Variants in AGPS observed in about 807,000 individuals in gnomAD.
The protein encoded by AGPS is alkyldihydroxyacetonephosphate synthase, peroxisomal.
A neutral mutation model predicts 90.7 loss-of-function variants in AGPS; 26 were observed. The ratio of observed to expected loss-of-function variants is 0.29; its 90% CI spans 0.21 to 0.40. The LOEUF (loss-of-function observed/expected upper bound fraction) is 0.40. AGPS is among the 10% of genes least tolerant of loss of function. The pLI, the probability that AGPS is intolerant of heterozygous loss-of-function variation, is 1.00. For synonymous variants in AGPS, 294 were observed against 285.3 expected (o/e 1.03, Z -0.31); for missense variants, 540 against 816.1 (o/e 0.66, Z 4.12).
intron 5 of AGPS, among the ~76,000 whole-genome samples, chr2:177,438,291 C>T (rs1164754715): frequency 4.6e-5 from 7 of 152,162 alleles, no homozygotes. Context: ...CTTGGCAGTG[C>T]ATGCCTGTAG....
chr2:177,466,383 G>A (rs768913814), intron 9 of AGPS, among the ~76,000 whole-genome samples: 3 of 152,334 alleles, frequency 2.0e-5, no homozygotes, highest in Non-Finnish European at 4.4e-5. Context: ...CCCGGAAAAA[G>A]CATCATAAGT....
chr2:177,432,332 GA>G (rs1313759730), intron 2 of AGPS, among the ~76,000 whole-genome samples: 8 of 152,164 alleles, frequency 5.3e-5, no homozygotes, highest in African/African-American at 1.9e-4. Flanking sequence ...TTCAGTCATG[GA>G]AAAGAAGAAG....
chr2:177,491,757 C>T (rs1248990766), intron 11 of AGPS, among the ~76,000 whole-genome samples: 4 of 70,608 alleles, frequency 5.7e-5, no homozygotes, highest in Non-Finnish European at 1.1e-4. Flanking sequence ...AATATACTTT[C>T]CTTCCCCCCC....
chr2:177,416,606 A>T (rs1180135023), intron 1 of AGPS, among the ~76,000 whole-genome samples: 2 of 148,790 alleles, frequency 1.3e-5, no homozygotes, highest in East Asian at 4.0e-4. Context: ...GCTCACTGCC[A>T]CCTCCGCCTC....
chr2:177,446,805 AT>A (rs1686789552), intron 8 of AGPS, among the ~76,000 whole-genome samples: 1 of 152,142 alleles, frequency 6.6e-6, no homozygotes, highest in Admixed American at 6.5e-5. Context: ...TCTTGGTGAT[AT>A]ATTTCATCAG....
intron 1 of AGPS, among the ~76,000 whole-genome samples, chr2:177,416,938 C>A (rs1685804283): frequency 6.6e-6 from 1 of 152,220 alleles, no homozygotes; most frequent in Non-Finnish European, 1.5e-5. Context: ...GAATTGGATT[C>A]TTTTATTTGA....
rs112767072 is a variant in AGPS at position 177,521,467 on chromosome 2, C to T, written c.1797+99C>T. 1,286 of 1,014,558 alleles carry T rather than the reference C, an allele frequency of 1.3e-3. 10 individuals carry two copies. In the African/African-American group the frequency reaches 0.019, roughly 15 times the overall value. 62.8% of individuals were successfully genotyped at this position (1,014,558 alleles called of 1,614,324 possible). A position where few individuals can be genotyped will look rare whatever the true frequency, so the allele number is the denominator to read the frequency against. On this transcript the variant is annotated intron_variant, in intron 18 of 19. Transcript: ENST00000264167. The stretch of plus-strand genomic sequence containing the variant: ...ATTTTAAGTTGAGTCTCTTTAATCA[C>T]ACATGGTTTGCCTAGCTGTTAGCCC...
At chr2:177,400,594 A>T (rs896089873) in intron 1 of AGPS, among the ~76,000 whole-genome samples, 14 of 152,168 alleles carry the variant, frequency 9.2e-5, no homozygotes, top group African/African-American at 3.4e-4. Context: ...GGAGGGGTAG[A>T]TATCGTCTTG....
intron 14 of AGPS, among the ~76,000 whole-genome samples, chr2:177,501,981 A>G (rs1007629658): frequency 1.3e-5 from 2 of 152,174 alleles, no homozygotes; most frequent in African/African-American, 4.8e-5. Context: ...CCACCGACTG[A>G]CATGAATGTC....
At chr2:177,417,532 T>C (rs1398899551) in intron 1 of AGPS, among the ~76,000 whole-genome samples, 1 of 152,208 alleles carries the variant, frequency 6.6e-6, no homozygotes, top group East Asian at 1.9e-4. Flanking sequence ...ATGAGTTCTT[T>C]CAAATATTCT....
intron 9 of AGPS, among the ~76,000 whole-genome samples, chr2:177,462,792 G>A (rs1009935825): frequency 3.9e-5 from 6 of 152,188 alleles, no homozygotes; most frequent in African/African-American, 1.2e-4. Context: ...GAGAGGATGT[G>A]CATAGGTTTT....
chr2:177,478,534 G>A (rs1172079428), intron 10 of AGPS, among the ~76,000 whole-genome samples: 1 of 151,988 alleles, frequency 6.6e-6, no homozygotes, highest in African/African-American at 2.4e-5. Context: ...ACCATCCATT[G>A]TTTTCTCTGT....
At chr2:177,487,215 A>G (rs951255554) in intron 11 of AGPS, among the ~76,000 whole-genome samples, 7 of 152,120 alleles carry the variant, frequency 4.6e-5, no homozygotes, top group Admixed American at 4.6e-4. Context: ...TTTCAATAAA[A>G]ACTTAGGAGT....
At chr2:177,530,679 A>G (rs1266271786) in intron 19 of AGPS, among the ~76,000 whole-genome samples, 1 of 152,130 alleles carries the variant, frequency 6.6e-6, no homozygotes, top group East Asian at 1.9e-4. Context: ...AGTTGCTTTC[A>G]CTATCTGGCA....
intron 16 of AGPS, among the ~76,000 whole-genome samples, chr2:177,508,447 T>C (rs1254589260): frequency 2.0e-5 from 3 of 152,176 alleles, no homozygotes; most frequent in Non-Finnish European, 4.4e-5. Flanking sequence ...TTTGTATGTG[T>C]AAAAATGGGA....
intron 19 of AGPS, among the ~76,000 whole-genome samples, chr2:177,528,333 A>G (rs1360136062): frequency 6.6e-6 from 1 of 152,222 alleles, no homozygotes; most frequent in East Asian, 1.9e-4. Flanking sequence ...TCTCACATTC[A>G]GAACAAAATG....
intron 19 of AGPS, among the ~76,000 whole-genome samples, chr2:177,526,740 C>T (rs1237472573): frequency 6.6e-6 from 1 of 152,102 alleles, no homozygotes; most frequent in Non-Finnish European, 1.5e-5. Context: ...CTTTGAAGAG[C>T]ATTCAAAAGA....
intron 11 of AGPS, among the ~76,000 whole-genome samples, chr2:177,488,818 T>C (rs1275858954): frequency 4.6e-5 from 7 of 152,218 alleles, no homozygotes; most frequent in Non-Finnish European, 1.5e-5. Flanking sequence ...TCAAGTATAA[T>C]TCATTCCTTA....
At chr2:177,432,347 C>T (rs2105624039) in intron 2 of AGPS, among the ~76,000 whole-genome samples, 1 of 152,300 alleles carries the variant, frequency 6.6e-6, no homozygotes, top group Non-Finnish European at 1.5e-5. Context: ...GAAGAAGATC[C>T]ATTCAGTAGT....
Sources: gnomAD v4.1 joint callset for allele counts (sites outside exome capture counted in the v4.1 genomes callset) on GRCh38, gnomAD v4.1.1 for gene constraint, MANE v1.5 for transcripts, NCBI Gene and HGNC (gene_info 2026-07-23, HGNC 2026-07-21) for gene names.